Variants in NRXN1 observed in about 807,000 individuals in gnomAD.
The protein encoded by NRXN1 is neurexin-1.
A neutral mutation model predicts 150.9 loss-of-function variants in NRXN1; 39 were observed. The ratio of observed to expected loss-of-function variants is 0.26; its 90% CI spans 0.20 to 0.34. The LOEUF (loss-of-function observed/expected upper bound fraction) is 0.34. Ranked by LOEUF, NRXN1 falls within the 10% of genes least tolerant of loss-of-function variation. The pLI is 1.00. For missense variants in NRXN1, 1,815 were observed against 1,949.9 expected (o/e 0.93, Z 1.30); for synonymous variants, 924 against 757.0 (o/e 1.22, Z -3.62).
chr2:51,004,181 C>A (rs1172391417), intron 2 of NRXN1, among the ~76,000 whole-genome samples: 1 of 151,860 alleles, frequency 6.6e-6, no homozygotes, highest in African/African-American at 2.4e-5. Flanking sequence ...TGGACAGATA[C>A]TAAGCAAACT....
At chr2:50,367,526 G>T (rs1228751774) in intron 17 of NRXN1, among the ~76,000 whole-genome samples, 1 of 151,904 alleles carries the variant, frequency 6.6e-6, no homozygotes, top group East Asian at 1.9e-4. Context: ...ACCAAGCCCT[G>T]GACTCATTCA....
chr2:50,699,811 A>G (rs778583444), intron 5 of NRXN1, among the ~76,000 whole-genome samples: 2 of 152,078 alleles, frequency 1.3e-5, no homozygotes, highest in Non-Finnish European at 2.9e-5. Context: ...GTGAAATAAT[A>G]AATGTAGTCT....
At chr2:50,411,086 C>A (rs1048971728) in intron 17 of NRXN1, among the ~76,000 whole-genome samples, 2 of 151,714 alleles carry the variant, frequency 1.3e-5, no homozygotes, top group Non-Finnish European at 2.9e-5. Flanking sequence ...TGGTCTCCCT[C>A]TGATGCCGAG....
chr2:50,540,503 C>T (rs1321464762), intron 9 of NRXN1, among the ~76,000 whole-genome samples: 1 of 151,904 alleles, frequency 6.6e-6, no homozygotes, highest in African/African-American at 2.4e-5. Context: ...ACCTAAGAAG[C>T]GAATAAACAG....
chr2:49,928,145 G>T (rs995228422), intron 22 of NRXN1, among the ~76,000 whole-genome samples: 8 of 151,394 alleles, frequency 5.3e-5, no homozygotes, highest in Admixed American at 5.3e-4. Context: ...AAAAACATAG[G>T]CTATATATTT....
intron 21 of NRXN1, among the ~76,000 whole-genome samples, chr2:50,051,427 A>T (rs1692689506): frequency 6.6e-6 from 1 of 152,184 alleles, no homozygotes; most frequent in African/African-American, 2.4e-5. Context: ...TCATAAAAGC[A>T]TTCCTAACTC....
At chr2:50,053,824 A>G (rs1187515135) in intron 20 of NRXN1, among the ~76,000 whole-genome samples, 3 of 152,350 alleles carry the variant, frequency 2.0e-5, no homozygotes, top group Non-Finnish European at 2.9e-5. Flanking sequence ...TAAAAGACCA[A>G]TCAAAGATAT....
chr2:49,947,281 A>G lies in NRXN1; in HGVS notation c.4129-3490T>C, dbSNP rs540769104. ...TTCCTATTGGTGTTTTATTCTTGTT[A>G]GAGGGAGGAGGATATAAATAAATTC... On this transcript the variant is annotated intron_variant, in intron 21 of 22. Transcript: ENST00000401669. Among the ~76,000 whole-genome samples, 40 of 152,192 alleles carry G rather than the reference A, an allele frequency of 2.6e-4. No individual in the cohort carries two copies. The East Asian group carries it at 6.6e-3, about 25-fold the overall frequency.
At chr2:50,172,186 T>G (rs1013569690) in intron 18 of NRXN1, among the ~76,000 whole-genome samples, 2 of 152,300 alleles carry the variant, frequency 1.3e-5, no homozygotes, top group African/African-American at 2.4e-5. Flanking sequence ...TAATTATTAA[T>G]AACATTTTTG....
chr2:50,571,044 CT>C (rs1408050291), intron 8 of NRXN1, among the ~76,000 whole-genome samples: 3 of 152,196 alleles, frequency 2.0e-5, no homozygotes, highest in Admixed American at 2.0e-4. Flanking sequence ...AGAAGCAGGT[CT>C]AAGTTTAAAT....
intron 2 of NRXN1, among the ~76,000 whole-genome samples, chr2:51,018,011 C>T (rs1055304412): frequency 2.6e-5 from 4 of 151,976 alleles, no homozygotes; most frequent in Non-Finnish European, 5.9e-5. Flanking sequence ...TCCTTGTCTC[C>T]GCTGGACGGG....
intron 18 of NRXN1, among the ~76,000 whole-genome samples, chr2:50,201,528 T>A (rs1251911287): frequency 6.6e-6 from 1 of 152,204 alleles, no homozygotes; most frequent in South Asian, 2.1e-4. Context: ...TGTTCTAAAG[T>A]TATTCATGGA....
At chr2:50,586,444 T>C (rs749682182) in intron 8 of NRXN1, among the ~76,000 whole-genome samples, 39 of 152,260 alleles carry the variant, frequency 2.6e-4, no homozygotes, top group Admixed American at 5.9e-4. Context: ...TCTATAAAGG[T>C]AGGAGTCATT....
chr2:50,428,758 C>A (rs1360199829), intron 17 of NRXN1, among the ~76,000 whole-genome samples: 2 of 152,142 alleles, frequency 1.3e-5, no homozygotes, highest in East Asian at 1.9e-4. Flanking sequence ...GCACATATAT[C>A]CCTATGCTAA....
intron 19 of NRXN1, among the ~76,000 whole-genome samples, chr2:50,070,683 T>C (rs1221137307): frequency 7.0e-6 from 1 of 143,728 alleles, no homozygotes; most frequent in Non-Finnish European, 1.5e-5. Flanking sequence ...GGCAGGAGAA[T>C]GGCGTGAACC....
At chr2:50,534,127 A>G (rs1432332213) in intron 10 of NRXN1, among the ~76,000 whole-genome samples, 1 of 151,562 alleles carries the variant, frequency 6.6e-6, no homozygotes, top group Non-Finnish European at 1.5e-5. Flanking sequence ...ACACACACAC[A>G]CATACACACA....
intron 17 of NRXN1, among the ~76,000 whole-genome samples, chr2:50,338,022 G>A (rs2077303388): frequency 6.6e-6 from 1 of 152,158 alleles, no homozygotes; most frequent in Non-Finnish European, 1.5e-5. Flanking sequence ...TTATCCACTA[G>A]CATCATCAAC....
chr2:50,167,479 G>A (rs1469276469), intron 18 of NRXN1, among the ~76,000 whole-genome samples: 3 of 151,772 alleles, frequency 2.0e-5, no homozygotes, highest in African/African-American at 7.3e-5. Flanking sequence ...ACTGGCATCT[G>A]GTGCTATTGG....
At chr2:50,757,773 A>T (rs191946886) in intron 5 of NRXN1, among the ~76,000 whole-genome samples, 2 of 151,702 alleles carry the variant, frequency 1.3e-5, no homozygotes. Flanking sequence ...CCCTCAAGAG[A>T]GGAGGTAACA....
Sources: gnomAD v4.1 joint callset for allele counts (sites outside exome capture counted in the v4.1 genomes callset) on GRCh38, gnomAD v4.1.1 for gene constraint, MANE v1.5 for transcripts, NCBI Gene and HGNC (gene_info 2026-07-23, HGNC 2026-07-21) for gene names.